PFKFB2: variants seen among roughly 807,000 people sequenced by gnomAD.
PFKFB2 encodes the protein 6-phosphofructo-2-kinase/fructose-2,6-biphosphatase 2, also known as 6-phosphofructo-2-kinase/fructose-2,6-bisphosphatase 2.
PFKFB2 carries 53 observed loss-of-function variants against 68.0 expected under a neutral mutation model. The observed-to-expected ratio is 0.78, with a 90% CI of 0.63 to 0.98. PFKFB2 has a LOEUF of 0.98. Among genes scored for constraint, PFKFB2 ranks in the 50% least tolerant of loss-of-function variants. The probability of loss-of-function intolerance (pLI) is 0.00; values close to 1 mark genes in which losing one functional copy is unlikely to be tolerated. For synonymous variants in PFKFB2, 222 were observed against 227.6 expected (o/e 0.98, Z 0.22); for missense variants, 451 against 642.0 (o/e 0.70, Z 3.22).
chr1:207,043,466 T>A (rs1682519311), intron 2 of PFKFB2, among the ~76,000 whole-genome samples: 1 of 152,216 alleles, frequency 6.6e-6, no homozygotes, highest in Non-Finnish European at 1.5e-5. Flanking sequence ...TGTTTAAATG[T>A]TGACATTGCC....
chr1:207,065,312 T>G (rs1042225208), intron 8 of PFKFB2, 152 bp downstream of exon 8: 51 of 1,429,110 alleles, frequency 3.6e-5, no homozygotes, highest in Non-Finnish European at 3.7e-5. Flanking sequence ...TTTGTGGCTT[T>G]TATGTGGATT....
intron 11 of PFKFB2, 21 bp downstream of exon 11, chr1:207,069,549 A>G (rs777114064): frequency 1.4e-6 from 2 of 1,446,412 alleles, no homozygotes; most frequent in Non-Finnish European, 1.9e-6. Context: ...CCTGTCATGT[A>G]AAGTGACTGC....
At chr1:207,053,833 T>C (rs1682827577) in intron 1 of PFKFB2, among the ~76,000 whole-genome samples, 1 of 152,058 alleles carries the variant, frequency 6.6e-6, no homozygotes, top group Non-Finnish European at 1.5e-5. Context: ...CTGTTTTTCC[T>C]TCAGGGAATA....
upstream of PFKFB2, chr1:207,050,758 G>A (rs1166017458): frequency 1.2e-6 from 2 of 1,613,406 alleles, no homozygotes; most frequent in Non-Finnish European, 1.7e-6. Flanking sequence ...GAGGGTATCC[G>A]ACGAGGATTC....
At chr1:207,038,266 C>T (rs539661772) in intron 1 of PFKFB2, among the ~76,000 whole-genome samples, 67 of 152,264 alleles carry the variant, frequency 4.4e-4, no homozygotes, top group Admixed American at 1.4e-3. Context: ...GTTAGGAATA[C>T]AGCAATAACA....
intron 1 of PFKFB2, among the ~76,000 whole-genome samples, chr1:207,040,676 G>C (rs1682458516): frequency 6.6e-6 from 1 of 152,070 alleles, no homozygotes. Context: ...AAACAAAATA[G>C]AAAATATATT....
At chr1:207,035,762 G>A (rs1682365681) in intron 1 of PFKFB2, among the ~76,000 whole-genome samples, 1 of 152,204 alleles carries the variant, frequency 6.6e-6, no homozygotes, top group South Asian at 2.1e-4. Flanking sequence ...TAAGCTTCTG[G>A]TAAGAGTCTC....
downstream of PFKFB2, chr1:207,078,944 T>C (rs761537497): frequency 9.6e-5 from 154 of 1,610,988 alleles, no homozygotes; most frequent in Middle Eastern, 3.3e-4. Context: ...TCTTCCTCTC[T>C]GGCTCGTAGG....
At position 207,076,327 on chromosome 1, in the gene PFKFB2, C is replaced by T. The variant is rs537728508; in HGVS notation, c.*3956C>T. 80 of 981,994 alleles carry T rather than the reference C, an allele frequency of 8.1e-5. 1 individual carries two copies. Among genetic ancestry groups the T allele is most frequent in the African/African-American group, 2.0e-4 (11 of 56,122 alleles). 60.8% of individuals were successfully genotyped at this position (981,994 alleles called of 1,614,324 possible). ...TGGTGGTTGGAGTGGCCAATGGGCA[C>T]GGGAAAAAGTATCCAGTAATCAGAA... is the stretch of plus-strand genomic sequence containing the variant. On this transcript the variant is annotated 3_prime_UTR_variant, in exon 15 of 15. Transcript: ENST00000367080.
chr1:207,074,301 T>A lies in PFKFB2; in HGVS notation c.*1930T>A, dbSNP rs1420203646. ...GGTTTGATGTTTGAGCAGATCATAA[T>A]GTTAAATGATATAACCCCCTGGAAG... On this transcript the variant is annotated 3_prime_UTR_variant, in exon 15 of 15. Transcript: ENST00000367080. 2 of 985,358 alleles carry A rather than the reference T, an allele frequency of 2.0e-6. No individual in the cohort carries two copies. Among genetic ancestry groups the A allele is most frequent in the Non-Finnish European group, 1.2e-6 (1 of 829,930 alleles). The allele number at this position is 985,358 out of a possible 1,614,324, so 61.0% of individuals were successfully genotyped here. A position where few individuals can be genotyped will look rare whatever the true frequency, so the allele number is the denominator to read the frequency against.
upstream of PFKFB2, chr1:207,052,407 A>G: frequency 1.8e-6 from 1 of 553,654 alleles, no homozygotes; most frequent in East Asian, 3.1e-5. Flanking sequence ...CACACCTGTA[A>G]TCCCAGCACT....
At chr1:207,059,446 A>G (rs1391737346) in intron 2 of PFKFB2, among the ~76,000 whole-genome samples, 1 of 152,180 alleles carries the variant, frequency 6.6e-6, no homozygotes, top group Non-Finnish European at 1.5e-5. Context: ...AACCTGAGAC[A>G]GCTGATCCCA....
chr1:207,061,466 A>G (rs1398240572), intron 2 of PFKFB2, among the ~76,000 whole-genome samples: 1 of 151,846 alleles, frequency 6.6e-6, no homozygotes, highest in African/African-American at 2.4e-5. Context: ...TTTTAACTCT[A>G]TTTCAGGAGG....
chr1:207,065,041 T>A lies in PFKFB2; in HGVS notation c.513T>A (p.Val171=), dbSNP rs748508238. 2.1e-5 allele frequency: 34 copies of A among 1,613,642 alleles called. No homozygotes were observed. The African/African-American group carries it at 4.0e-4, about 19-fold the overall frequency. ...ACTGGTTCCTATGATTTCAGGAGGTTAAGGTATCAAGCCCTGACTATCCTG... is the reference window on the plus strand; with the variant it reads ...ACTGGTTCCTATGATTTCAGGAGGTAAAGGTATCAAGCCCTGACTATCCTG... ...PDVIAANILE[V]KVSSPDYPER... The change falls in exon 8 of 15, where the codon GTT becomes GTA. Residue 171 remains valine, a synonymous_variant. Transcript: ENST00000367080.
chr1:207,067,649 G>A lies in PFKFB2; in HGVS notation c.783G>A (p.Glu261=), dbSNP rs746073747. The part of the protein sequence containing the change: ...TIYLCRHGES[E]FNLLGKIGGD... ...ACCTTTGCCGGCATGGAGAAAGCGA[G>A]TTCAATCTCTTGGGGAAGATTGGGG... The change falls in exon 9 of 15, where the codon GAG becomes GAA. Residue 261 remains glutamate, a synonymous_variant. Transcript: ENST00000367080. 2 of 1,613,908 alleles carry A rather than the reference G, an allele frequency of 1.2e-6. No individual in the cohort carries two copies.
At chr1:207,039,309 T>C (rs1572704683) in intron 1 of PFKFB2, among the ~76,000 whole-genome samples, 1 of 152,308 alleles carries the variant, frequency 6.6e-6, no homozygotes, top group East Asian at 1.9e-4. Context: ...AGTTAAGTCA[T>C]AGTGGAAGAA....
Position 207,074,212 on chromosome 1 carries a change from C to T in PFKFB2, c.*1841C>T, listed in dbSNP as rs1683556175. 7.1e-6 allele frequency: 7 copies of T among 985,258 alleles called. No homozygotes were observed. The highest frequency in any genetic ancestry group is 8.4e-6 in the Non-Finnish European group (7 of 829,894). The allele number at this position is 985,258 out of a possible 1,614,324, so 61.0% of individuals were successfully genotyped here. A position where few individuals can be genotyped will look rare whatever the true frequency, so the allele number is the denominator to read the frequency against. On this transcript the variant is annotated 3_prime_UTR_variant, in exon 15 of 15. Transcript: ENST00000367080. ...GTGGAAAAATACTGGATAGTAGTTTCTCAGACAAAAGTGTCAGCCTAGGAA... is the reference window on the plus strand; with the variant it reads ...GTGGAAAAATACTGGATAGTAGTTTTTCAGACAAAAGTGTCAGCCTAGGAA...
intron 4 of PFKFB2, 117 bp downstream of exon 4, chr1:207,062,833 G>A: frequency 9.8e-7 from 1 of 1,020,098 alleles, no homozygotes; most frequent in South Asian, 1.5e-5. Context: ...TTAAATGGAA[G>A]TTATCTGATG....
chr1:207,034,595 A>G (rs1682342035), intron 1 of PFKFB2: 1 of 152,252 alleles, frequency 6.6e-6, no homozygotes, highest in Non-Finnish European at 1.5e-5. Context: ...TAAAATTAGG[A>G]TAACTAGGAG....
Sources: allele counts gnomAD v4.1 joint callset (sites outside exome capture counted in the v4.1 genomes callset), GRCh38; gene constraint gnomAD v4.1.1; transcripts MANE v1.5; gene names NCBI Gene and HGNC (gene_info 2026-07-23, HGNC 2026-07-21).